Variants in CD38 observed in about 807,000 individuals in gnomAD.
The protein encoded by CD38 is ADP-ribosyl cyclase/cyclic ADP-ribose hydrolase 1.
CD38 carries 31 observed loss-of-function variants against 36.3 expected under a neutral mutation model. The ratio of observed to expected loss-of-function variants is 0.85; its 90% CI spans 0.64 to 1.15. The LOEUF (loss-of-function observed/expected upper bound fraction) is 1.15. Among genes scored for constraint, CD38 ranks in the 50% most tolerant of loss-of-function variants. The pLI is 0.00. For synonymous variants in CD38, 131 were observed against 135.2 expected, an observed-to-expected ratio of 0.97 and a Z score of 0.22; for missense variants, 380 against 371.9, an observed-to-expected ratio of 1.02 and a Z score of -0.18.
At chr4:15,818,794 A>C (rs1723666475) in intron 2 of CD38, among the ~76,000 whole-genome samples, 1 of 152,222 alleles carries the variant, frequency 6.6e-6, no homozygotes, top group Non-Finnish European at 1.5e-5. Context: ...TGACTGCTAA[A>C]AGAAAAAACA....
chr4:15,779,352 C>A (rs76717148), intron 1 of CD38, among the ~76,000 whole-genome samples: 4 of 152,144 alleles, frequency 2.6e-5, no homozygotes, highest in African/African-American at 9.7e-5. Context: ...GGAAAAAAAA[C>A]ACATTAGTCT....
At chr4:15,804,760 G>T (rs981071218) in intron 1 of CD38, among the ~76,000 whole-genome samples, 1 of 152,162 alleles carries the variant, frequency 6.6e-6, no homozygotes, top group East Asian at 1.9e-4. Context: ...GTTACTAGAA[G>T]CTGAGAAGGG....
chr4:15,782,497 AGGGAC>A (rs1722721214), intron 1 of CD38, among the ~76,000 whole-genome samples: 2 of 152,320 alleles, frequency 1.3e-5, no homozygotes, highest in Admixed American at 1.3e-4. Context: ...TCTTGAGCCT[AGGGAC>A]TTTTGTTTAA....
intron 1 of CD38, among the ~76,000 whole-genome samples, chr4:15,797,686 A>G (rs1213648877): frequency 6.6e-6 from 1 of 152,182 alleles, no homozygotes; most frequent in Non-Finnish European, 1.5e-5. Flanking sequence ...GGTGTGAGAG[A>G]GAATCTGCTT....
chr4:15,818,618 G>A (rs1723660045), intron 2 of CD38, among the ~76,000 whole-genome samples: 1 of 152,180 alleles, frequency 6.6e-6, no homozygotes, highest in South Asian at 2.1e-4. Context: ...GCTGGCATCA[G>A]GCCGGTGCCC....
At chr4:15,784,028 G>T (rs1238451561) in intron 1 of CD38, among the ~76,000 whole-genome samples, 1 of 152,190 alleles carries the variant, frequency 6.6e-6, no homozygotes, top group African/African-American at 2.4e-5. Flanking sequence ...CCTGCAGTGG[G>T]AGGTATGCGG....
At chr4:15,798,970 T>C (rs575645816) in intron 1 of CD38, among the ~76,000 whole-genome samples, 1 of 152,324 alleles carries the variant, frequency 6.6e-6, no homozygotes, top group African/African-American at 2.4e-5. Context: ...TCCCAGTCTA[T>C]GGCTTAACTC....
At chr4:15,834,752 C>T (rs901339791) in intron 4 of CD38, among the ~76,000 whole-genome samples, 2 of 152,136 alleles carry the variant, frequency 1.3e-5, no homozygotes, top group Admixed American at 6.5e-5. Context: ...CCATTTAACA[C>T]ATAACGTGAA....
intron 3 of CD38, among the ~76,000 whole-genome samples, chr4:15,833,545 A>C (rs1054452278): frequency 6.6e-6 from 1 of 152,216 alleles, no homozygotes; most frequent in East Asian, 1.9e-4. Flanking sequence ...GTTTTAAAGC[A>C]TTTAATCATT....
chr4:15,803,048 G>A (rs1723263488), intron 1 of CD38, among the ~76,000 whole-genome samples: 2 of 152,110 alleles, frequency 1.3e-5, no homozygotes, highest in South Asian at 2.1e-4. Flanking sequence ...CTGAAGAAAG[G>A]ACACCTTTTT....
chr4:15,800,973 A>G (rs1560310102), intron 1 of CD38, among the ~76,000 whole-genome samples: 1 of 152,118 alleles, frequency 6.6e-6, no homozygotes, highest in Non-Finnish European at 1.5e-5. Flanking sequence ...AATAAATGAA[A>G]TAGGTTGGAA....
intron 2 of CD38, among the ~76,000 whole-genome samples, chr4:15,816,975 T>C (rs1458741580): frequency 6.6e-6 from 1 of 152,214 alleles, no homozygotes; most frequent in Admixed American, 6.5e-5. Context: ...TCCCCTGACC[T>C]ATGATAATAA....
intron 7 of CD38, 149 bp from the exon 8 acceptor site, chr4:15,848,390 G>T: frequency 1.9e-6 from 1 of 523,590 alleles, no homozygotes; most frequent in Admixed American, 2.8e-5. Flanking sequence ...CTCCCCTCCC[G>T]ACATGTCACT....
In CD38 at chr4:15,800,921, C is replaced by T. The variant is rs541067581; in HGVS notation, c.234-15590C>T. Among the ~76,000 whole-genome samples the T allele has an allele frequency of 3.8e-4, 58 of 151,724 alleles. No homozygotes were observed. The East Asian group carries it at 0.011, about 28-fold the overall frequency. On this transcript the variant is annotated intron_variant, in intron 1 of 7. Transcript: ENST00000226279. ...ACAACAACAACAAAACCCCCAAACT[C>T]CAAATTAGTAGAAGGAAGTAAATAA...
chr4:15,779,375 AG>A, intron 1 of CD38, among the ~76,000 whole-genome samples: 1 of 152,282 alleles, frequency 6.6e-6, no homozygotes, highest in Non-Finnish European at 1.5e-5. Flanking sequence ...GGGACCTTCC[AG>A]TTTTCTCATG....
At chr4:15,839,645 G>A (rs759443365) in intron 5 of CD38, among the ~76,000 whole-genome samples, 7 of 151,706 alleles carry the variant, frequency 4.6e-5, no homozygotes, top group Non-Finnish European at 1.0e-4. Flanking sequence ...GGATGGTCTC[G>A]ATCCCCTGGC....
intron 1 of CD38, among the ~76,000 whole-genome samples, chr4:15,796,883 C>T (rs1362169428): frequency 2.0e-5 from 3 of 152,032 alleles, no homozygotes; most frequent in South Asian, 4.1e-4. Context: ...TATCTATGAA[C>T]GTTTCGATTG....
rs1354033969 is a variant in CD38, at chr4:15,838,266, GT to G, written c.659+103del. The G allele has an allele frequency of 3.1e-6, 3 of 978,002 alleles. No homozygotes were observed. The African/African-American group carries it at 4.9e-5, about 16-fold the overall frequency. 60.6% of individuals were successfully genotyped at this position (978,002 alleles called of 1,614,324 possible). A position where few individuals can be genotyped will look rare whatever the true frequency, so the allele number is the denominator to read the frequency against. On this transcript the variant is annotated intron_variant, in intron 5 of 7. Transcript: ENST00000226279. ...AATATGCTTTTCATGTTTCAGGTCA[GT>G]TCTGAAGATTAGGGCCAAAAAAGGT...
At chr4:15,828,689 GTA>G (rs1283301598) in intron 3 of CD38, among the ~76,000 whole-genome samples, 11 of 152,276 alleles carry the variant, frequency 7.2e-5, no homozygotes, top group Admixed American at 5.9e-4. Context: ...ATTCCATTGT[GTA>G]TATATACCAC....
Sources: allele counts gnomAD v4.1 joint callset (sites outside exome capture counted in the v4.1 genomes callset), GRCh38; gene constraint gnomAD v4.1.1; transcripts MANE v1.5; gene names NCBI Gene and HGNC (gene_info 2026-07-23, HGNC 2026-07-21).